The following LIPJ variants were observed in gnomAD, a reference collection of about 807,000 sequenced individuals.
LIPJ encodes lipase family member J.
Under a neutral mutation model 39.8 loss-of-function variants are expected in LIPJ, and 33 were observed. The ratio of observed to expected loss-of-function variants is 0.83; its 90% CI spans 0.63 to 1.11. The LOEUF is 1.11. Ranked by LOEUF, LIPJ falls within the 50% of genes least tolerant of loss-of-function variation. The pLI is 0.00. For synonymous variants in LIPJ, 128 were observed against 139.2 expected (o/e 0.92, Z 0.57); for missense variants, 422 against 427.9 (o/e 0.99, Z 0.12).
chr10:88,591,521 T>C, intron 4 of LIPJ, 23 bp downstream of exon 4: 5 of 1,582,168 alleles, frequency 3.2e-6, no homozygotes, highest in Admixed American at 1.8e-5. Context: ...TGAAGATGGA[T>C]TGGTGACAAT....
At chr10:88,601,495 GC>G (rs755394242) in intron 8 of LIPJ, among the ~76,000 whole-genome samples, 2 of 152,102 alleles carry the variant, frequency 1.3e-5, no homozygotes, top group Non-Finnish European at 2.9e-5. Context: ...CAACTCTATA[GC>G]ACCCACACAG....
At chr10:88,621,013 C>A in the LIPJ span, among the ~76,000 whole-genome samples, 1 of 152,106 alleles carries the variant, frequency 6.6e-6, no homozygotes, top group Non-Finnish European at 1.5e-5. Flanking sequence ...GTAATCCATT[C>A]CTGAAGATTC....
chr10:88,594,674 G>T lies in LIPJ; in HGVS notation c.337G>T (p.Glu113Ter). The T allele has an allele frequency of 6.6e-7, 1 of 1,507,394 alleles. No homozygotes were observed. Among genetic ancestry groups the T allele is most frequent in the Non-Finnish European group, 8.9e-7 (1 of 1,123,438 alleles). The allele number at this position is 1,507,394 out of a possible 1,614,324, so 93.4% of individuals were successfully genotyped here. A position where few individuals can be genotyped will look rare whatever the true frequency, so the allele number is the denominator to read the frequency against. ...TTCCTCTTTCTTTTGTAGTTTTGAT[G>T]AGATGGCAAAATATGACCTTCCAGC... Residue 113 changes from glutamate (E) to a stop codon, truncating the protein, a stop_gained, in exon 6 of 11, where the codon GAG (glutamate) becomes TAG (stop). Coordinates refer to ENST00000371939, the Ensembl canonical transcript of LIPJ. LOFTEE classifies it high-confidence loss of function.
chr10:88,587,059 G>T (rs1850936004), intron 1 of LIPJ: 1 of 151,852 alleles, frequency 6.6e-6, no homozygotes. Context: ...AGACTTTTAA[G>T]GAAGTTTCAT....
chr10:88,621,990 T>C, the LIPJ span, among the ~76,000 whole-genome samples: 4 of 152,176 alleles, frequency 2.6e-5, no homozygotes, highest in South Asian at 8.3e-4. Flanking sequence ...TACTACCTAT[T>C]GGTGCCCTGC....
chr10:88,610,107 C>T (rs1204756709), downstream of LIPJ, among the ~76,000 whole-genome samples: 2 of 151,970 alleles, frequency 1.3e-5, no homozygotes, highest in Admixed American at 1.3e-4. Context: ...AGTACTGTAC[C>T]CCAAGAATAA....
chr10:88,596,667 A>G (rs1851263852), intron 7 of LIPJ, 123 bp from the exon 8 acceptor site: 3 of 1,029,536 alleles, frequency 2.9e-6, no homozygotes, highest in African/African-American at 3.3e-5. Context: ...TTTTTCCTTT[A>G]TTTAAAATTT....
At chr10:88,593,913 AT>A in intron 4 of LIPJ, 32 bp from the exon 5 acceptor site, 1 of 1,566,420 alleles carries the variant, frequency 6.4e-7, no homozygotes, top group Non-Finnish European at 8.7e-7. Flanking sequence ...TAACTACAAA[AT>A]TTATAAAGAA....
chr10:88,614,003 G>A, the LIPJ span, among the ~76,000 whole-genome samples: 2 of 150,828 alleles, frequency 1.3e-5, no homozygotes, highest in African/African-American at 4.9e-5. Flanking sequence ...AATACTTAAA[G>A]AGGAAAAGGC....
In LIPJ at chr10:88,596,315, G is replaced by C. The variant is rs74736825; in HGVS notation, c.475G>C (p.Glu159Gln). Residue 159 changes from glutamate to glutamine, a missense_variant, in exon 7 of 11, where the codon GAA becomes CAA. Coordinates refer to ENST00000371939, the Ensembl canonical transcript of LIPJ. ...ATTTTCTACTATATCAAAGATAGCT[G>C]AAAGAATCAAAATATTTTTTGCTTT... 537 of 1,535,416 alleles carry C rather than the reference G, an allele frequency of 3.5e-4. 1 individual carries two copies. In the African/African-American group the frequency reaches 6.8e-3, roughly 20 times the overall value.
intron 9 of LIPJ, among the ~76,000 whole-genome samples, chr10:88,604,266 G>A (rs1364213676): frequency 6.6e-6 from 1 of 152,152 alleles, no homozygotes; most frequent in East Asian, 1.9e-4. Context: ...CAAAAATAAT[G>A]AGTAAGACAG....
chr10:88,604,617 G>A (rs1851601004), intron 9 of LIPJ, among the ~76,000 whole-genome samples: 1 of 152,154 alleles, frequency 6.6e-6, no homozygotes, highest in Non-Finnish European at 1.5e-5. Context: ...GAGAAAGAGA[G>A]TCTTGGATGA....
chr10:88,605,496 G>T, intron 9 of LIPJ, 137 bp from the exon 10 acceptor site: 1 of 671,778 alleles, frequency 1.5e-6, no homozygotes, highest in South Asian at 1.7e-5. Context: ...CAAAGGAAAA[G>T]AAGAACGAAG....
At chr10:88,584,971 C>A (rs935406466), upstream of LIPJ, among the ~76,000 whole-genome samples, 1 of 152,090 alleles carries the variant, frequency 6.6e-6, no homozygotes, top group Non-Finnish European at 1.5e-5. Context: ...CCATTTAAAG[C>A]AGACATTTAT....
chr10:88,591,589 A>G (rs2134544851), intron 4 of LIPJ, 91 bp downstream of exon 4: 1 of 1,130,584 alleles, frequency 8.8e-7, no homozygotes, highest in East Asian at 2.6e-5. Flanking sequence ...CAAGAAAAGC[A>G]TCTTAAGATT....
chr10:88,603,469 TA>T (rs569280381), intron 9 of LIPJ, among the ~76,000 whole-genome samples: 14 of 152,130 alleles, frequency 9.2e-5, no homozygotes, highest in South Asian at 6.2e-4. Flanking sequence ...ATGATATTGA[TA>T]AAAAAAATCC....
upstream of LIPJ, chr10:88,583,219 G>A: frequency 6.2e-7 from 1 of 1,612,264 alleles, no homozygotes; most frequent in Non-Finnish European, 8.5e-7. Context: ...TCCGCGCTGA[G>A]TCTCTGCGGC....
the LIPJ span, among the ~76,000 whole-genome samples, chr10:88,622,379 C>A: frequency 1.3e-5 from 2 of 152,134 alleles, no homozygotes; most frequent in South Asian, 4.1e-4. Context: ...TTCTAAAGAA[C>A]CCCACCTAAA....
At chr10:88,603,248 CA>C (rs1330303036) in intron 9 of LIPJ, among the ~76,000 whole-genome samples, 1 of 152,136 alleles carries the variant, frequency 6.6e-6, no homozygotes. Flanking sequence ...TCGACTTGCC[CA>C]ATGCTTCAAA....
Sources: allele counts gnomAD v4.1 joint callset (sites outside exome capture counted in the v4.1 genomes callset), GRCh38; gene constraint gnomAD v4.1.1; transcripts MANE v1.5; gene names NCBI Gene and HGNC (gene_info 2026-07-23, HGNC 2026-07-21).